The following CCDC28B variants were observed in gnomAD, a reference collection of about 807,000 sequenced individuals.
CCDC28B encodes coiled-coil domain containing 28B.
A neutral mutation model predicts 18.7 loss-of-function variants in CCDC28B; 17 were observed. The observed-to-expected ratio is 0.91, with a 90% CI of 0.62 to 1.36. The LOEUF is 1.36. Ranked by LOEUF, CCDC28B falls within the 40% of genes most tolerant of loss-of-function variation. The pLI, the probability that CCDC28B is intolerant of heterozygous loss-of-function variation, is 0.00. For missense variants in CCDC28B, 213 were observed against 251.7 expected, an observed-to-expected ratio of 0.85 and a Z score of 1.04; for synonymous variants, 116 against 105.1, an observed-to-expected ratio of 1.10 and a Z score of -0.64.
chr1:32,203,182 G>A (rs1382636255), intron 2 of CCDC28B: 2 of 151,586 alleles, frequency 1.3e-5, no homozygotes, highest in Admixed American at 1.3e-4. Context: ...GAGGGCTAGG[G>A]GCAGTGGCTC....
Position 32,205,011 on chromosome 1 carries a change from G to C in CCDC28B, c.549-183G>C. On this transcript the variant is annotated intron_variant, in intron 5 of 5. Transcript: ENST00000373602. This position sits in a 1 kb window ranked among gnomAD's most constrained non-coding sequence, Gnocchi z 5.6. The stretch of plus-strand genomic sequence containing the variant: ...ACACCCCAGTGTGTCTGACCTGCAC[G>C]ATCTGGATGAAGAGAGAGGGGGTGA... 1.7e-6 allele frequency: 2 copies of C among 1,181,562 alleles called. No homozygotes were observed. The highest frequency in any genetic ancestry group is 2.3e-6 in the Non-Finnish European group (2 of 852,178). The allele number at this position is 1,181,562 out of a possible 1,614,324, so 73.2% of individuals were successfully genotyped here.
upstream of CCDC28B, among the ~76,000 whole-genome samples, chr1:32,198,789 G>T (rs1158950268): frequency 6.6e-6 from 1 of 152,116 alleles, no homozygotes; most frequent in African/African-American, 2.4e-5. Context: ...CCAGAGTCTG[G>T]GTACCAGGTT....
chr1:32,204,622 T>C lies in CCDC28B; in HGVS notation c.548+2T>C, dbSNP rs759737292. The C allele has an allele frequency of 6.3e-7, 1 of 1,595,868 alleles. No homozygotes were observed. The highest frequency in any genetic ancestry group is 8.5e-7 in the Non-Finnish European group (1 of 1,172,392). ...GCTGGAAGACCTCAGTAATTCTATGTATCCTTTCCAAGGAACCCGTCTATG... is the reference window on the plus strand; with the variant it reads ...GCTGGAAGACCTCAGTAATTCTATGCATCCTTTCCAAGGAACCCGTCTATG... On this transcript the variant is annotated splice_donor_variant, in intron 5 of 5. Coordinates refer to ENST00000373602, the MANE Select transcript of CCDC28B (RefSeq NM_024296.5). LOFTEE classifies it high-confidence loss of function.
intron 2 of CCDC28B, 62 bp from the exon 3 acceptor site, chr1:32,203,817 A>G: frequency 7.4e-7 from 1 of 1,359,626 alleles, no homozygotes; most frequent in Non-Finnish European, 9.8e-7. Flanking sequence ...GATGGCACAA[A>G]AGATCGGGAG....
chr1:32,204,647 G>A, intron 5 of CCDC28B, 27 bp downstream of exon 5: 1 of 1,608,666 alleles, frequency 6.2e-7, no homozygotes, highest in Non-Finnish European at 8.5e-7. Flanking sequence ...ACCCGTCTAT[G>A]TGTGTGTGTT....
chr1:32,199,380 C>T (rs145539781), upstream of CCDC28B, among the ~76,000 whole-genome samples: 121 of 152,126 alleles, frequency 8.0e-4, 2 homozygotes, highest in East Asian at 0.016. Context: ...GGGGGGGTGC[C>T]GCCCCAACTC....
Position 32,200,639 on chromosome 1 carries a change from T to G in CCDC28B, c.-94T>G, listed in dbSNP as rs769711281. On this transcript the variant is annotated 5_prime_UTR_variant, in exon 1 of 6. Coordinates refer to ENST00000373602, the MANE Select transcript of CCDC28B (RefSeq NM_024296.5). ...CCAGCTTAGCTTTCACCCGGTGGTG[T>G]TCCCGGGAGGAGAGGGCGGAGGGCG... is the stretch of plus-strand genomic sequence containing the variant. 3 of 152,238 alleles carry G rather than the reference T, an allele frequency of 2.0e-5. No homozygotes were observed. The highest frequency in any genetic ancestry group is 1.9e-4 in the East Asian group (1 of 5,194). 9.4% of individuals were successfully genotyped at this position (152,238 alleles called of 1,614,324 possible).
In CCDC28B at chr1:32,205,134, T is replaced by G; in HGVS notation, c.549-60T>G. 6.3e-7 allele frequency: 1 copy of G among 1,598,900 alleles called. No individual in the cohort carries two copies. The highest frequency in any genetic ancestry group is 8.6e-7 in the Non-Finnish European group (1 of 1,169,092). The stretch of plus-strand genomic sequence containing the variant: ...GTGAGGGAACTAAACCTGTGCAAGA[T>G]GGGAGACCGGGGTGGGAGGAAGGAC... On this transcript the variant is annotated intron_variant, in intron 5 of 5. Coordinates refer to ENST00000373602, the MANE Select transcript of CCDC28B (RefSeq NM_024296.5). The surrounding 1 kb of genome is among the most constrained non-coding windows in gnomAD (Gnocchi z 5.6).
chr1:32,197,236 A>G (rs544533711), upstream of CCDC28B: 1 of 152,372 alleles, frequency 6.6e-6, no homozygotes, highest in East Asian at 1.9e-4. The surrounding 1 kb of genome is among the most constrained non-coding windows in gnomAD (Gnocchi z 4.6). Flanking sequence ...TTCCCCCTTG[A>G]AGAGAGGGGA....
At chr1:32,204,140 G>A in intron 3 of CCDC28B, 46 bp from the exon 4 acceptor site, 1 of 1,610,316 alleles carries the variant, frequency 6.2e-7, no homozygotes, top group Non-Finnish European at 8.5e-7. Context: ...AGGGTTCCAG[G>A]GTTCCAGGAC....
intron 2 of CCDC28B, among the ~76,000 whole-genome samples, chr1:32,203,468 A>T (rs1040066376): frequency 6.6e-6 from 1 of 152,192 alleles, no homozygotes; most frequent in African/African-American, 2.4e-5. Context: ...AAAAACAAAA[A>T]AAAAGAAGAG....
chr1:32,196,547 C>T (rs1643029170), upstream of CCDC28B: 2 of 152,278 alleles, frequency 1.3e-5, no homozygotes, highest in Admixed American at 1.3e-4. Context: ...TCTACCCCCA[C>T]TCCAGTACAT....
Position 32,201,886 on chromosome 1 carries a change from A to G in CCDC28B, c.-23-27A>G, listed in dbSNP as rs1051227614. ...TGAAGGGCTAACTTTGCCCCTGGCT[A>G]TCTTTGTGGGGTTGCTTCCCTCCTA... On this transcript the variant is annotated intron_variant, in intron 1 of 5. Coordinates refer to ENST00000373602, the MANE Select transcript of CCDC28B (RefSeq NM_024296.5). 10 of 1,531,732 alleles carry G rather than the reference A, an allele frequency of 6.5e-6. No individual in the cohort carries two copies. In the East Asian group the frequency reaches 2.0e-4, roughly 31 times the overall value. 94.9% of individuals were successfully genotyped at this position (1,531,732 alleles called of 1,614,324 possible).
chr1:32,204,779 T>G, intron 5 of CCDC28B, 159 bp downstream of exon 5: 1 of 1,609,508 alleles, frequency 6.2e-7, no homozygotes, highest in Non-Finnish European at 8.5e-7. Flanking sequence ...TACAGGAATT[T>G]AGAATTTCCC....
chr1:32,201,407 TCTC>T (rs1425283089), intron 1 of CCDC28B, among the ~76,000 whole-genome samples: 2 of 152,048 alleles, frequency 1.3e-5, no homozygotes, highest in African/African-American at 2.4e-5. Context: ...TGCTGCGGCT[TCTC>T]CTACAATTAC....
chr1:32,197,891 CTG>C (rs149178112), upstream of CCDC28B: 116 of 152,324 alleles, frequency 7.6e-4, no homozygotes, highest in African/African-American at 2.6e-3. This position sits in a 1 kb window ranked among gnomAD's most constrained non-coding sequence, Gnocchi z 4.6. Flanking sequence ...CTGTAGGAGA[CTG>C]TTATTTCTGT....
intron 5 of CCDC28B, chr1:32,204,987 C>G: frequency 8.1e-7 from 1 of 1,233,366 alleles, no homozygotes. Context: ...CGCGCGCACA[C>G]ACCCCAGTGT....
chr1:32,200,144 G>C (rs571375245), upstream of CCDC28B, among the ~76,000 whole-genome samples: 1 of 152,196 alleles, frequency 6.6e-6, no homozygotes, highest in Non-Finnish European at 1.5e-5. Flanking sequence ...TCAAAAGACT[G>C]TTGCTTACTT....
chr1:32,203,940 C>T lies in CCDC28B; in HGVS notation c.226C>T (p.Pro76Ser). ...AGGGSGSAGT[P>S]LQHSFLTEVT... ...AGGTGGAAGCGGCTCTGCAGGCACG[C>T]CCCTGCAGCACTCCTTCCTGACCGA... The change falls in exon 3 of 6, where the codon CCC (proline) becomes TCC (serine). Residue 76 changes from proline (P) to serine (S), a missense_variant. Transcript: ENST00000373602. 3.2e-6 allele frequency: 5 copies of T among 1,572,592 alleles called. 1 individual carries two copies. The South Asian group carries it at 4.7e-5, about 15-fold the overall frequency.
Sources: allele counts gnomAD v4.1 joint callset (sites outside exome capture counted in the v4.1 genomes callset), GRCh38; gene constraint gnomAD v4.1.1; non-coding constraint Gnocchi (gnomAD v3.1); transcripts MANE v1.5; gene names NCBI Gene and HGNC (gene_info 2026-07-23, HGNC 2026-07-21).